The following POLR3D variants were observed in gnomAD, a reference collection of about 807,000 sequenced individuals.
The protein encoded by POLR3D is DNA-directed RNA polymerase III subunit RPC4.
POLR3D carries 42 observed loss-of-function variants against 44.5 expected under a neutral mutation model. That is an observed-to-expected ratio of 0.94 (90% CI 0.74 to 1.22). The LOEUF is 1.22. POLR3D is among the 50% of genes most tolerant of loss of function. The probability of loss-of-function intolerance (pLI) is 0.00; values close to 1 mark genes in which losing one functional copy is unlikely to be tolerated. For missense variants in POLR3D, 507 were observed against 505.2 expected (o/e 1.00, Z -0.03); for synonymous variants, 217 against 198.1 (o/e 1.10, Z -0.80).
At position 22,245,484 on chromosome 8, in the gene POLR3D, C is replaced by T. The variant is rs1416558112; in HGVS notation, c.35C>T (p.Thr12Met). 1 of 1,307,590 alleles carries T rather than the reference C, an allele frequency of 7.6e-7. No individual in the cohort carries two copies. Among genetic ancestry groups the T allele is most frequent in the Non-Finnish European group, 9.8e-7 (1 of 1,020,366 alleles). The allele number at this position is 1,307,590 out of a possible 1,614,324, so 81.0% of individuals were successfully genotyped here. ...GGAAACGCCGCCGGCGAGCCCAGCA[C>T]GCCGGGAGGGCCCCGACCTCTCCTG... Reference protein sequence around the residue: ...SEGNAAGEPSTPGGPRPLLTG... With the variant: ...SEGNAAGEPSMPGGPRPLLTG... Residue 12 changes from threonine to methionine, a missense_variant, in exon 2 of 9, where the codon ACG becomes ATG. Thr to Met is a moderately conservative substitution (Grantham distance 81, BLOSUM62 -1). Transcript: ENST00000306433.
chr8:22,250,629 C>T lies in POLR3D; in HGVS notation c.*111C>T. On this transcript the variant is annotated 3_prime_UTR_variant, in exon 9 of 9. Coordinates refer to ENST00000306433, the MANE Select transcript of POLR3D (RefSeq NM_001722.3). ...AGGGGCCCACTGAGCCCACTCACTCCAGCCTTTGGCAACCATTGTTCCAGG... is the reference window on the plus strand; with the variant it reads ...AGGGGCCCACTGAGCCCACTCACTCTAGCCTTTGGCAACCATTGTTCCAGG... 3 of 1,341,212 alleles carry T rather than the reference C, an allele frequency of 2.2e-6. No homozygotes were observed. Among genetic ancestry groups the T allele is most frequent in the Non-Finnish European group, 3.1e-6 (3 of 958,376 alleles). The allele number at this position is 1,341,212 out of a possible 1,614,324, so 83.1% of individuals were successfully genotyped here.
In POLR3D at chr8:22,249,029, C is replaced by T. The variant is rs2131949290; in HGVS notation, c.656-15C>T. The T allele has an allele frequency of 1.9e-6, 3 of 1,612,994 alleles. No homozygotes were observed. The highest frequency in any genetic ancestry group is 2.2e-5 in the South Asian group (2 of 91,020). The stretch of plus-strand genomic sequence containing the variant: ...GTGGTCACTTGATAGCATTCCATGT[C>T]TATCACCCGGGCAGTGAAAGAGGAG... On this transcript the variant is annotated splice_polypyrimidine_tract_variant and intron_variant, in intron 6 of 8. Coordinates refer to ENST00000306433, the MANE Select transcript of POLR3D (RefSeq NM_001722.3).
chr8:22,248,043 C>A, intron 4 of POLR3D, 35 bp downstream of exon 4: 1 of 1,609,572 alleles, frequency 6.2e-7, no homozygotes, highest in Non-Finnish European at 8.5e-7. Flanking sequence ...TCAGTTCAGA[C>A]TGCCCCAGAG....
rs1418189124 is a variant in POLR3D at position 22,254,461 on chromosome 8, T to C, written c.*3943T>C. 2 of 152,188 alleles carry C rather than the reference T, an allele frequency of 1.3e-5. No homozygotes were observed. Among genetic ancestry groups the C allele is most frequent in the Non-Finnish European group, 2.9e-5 (2 of 68,046 alleles). The allele number at this position is 152,188 out of a possible 1,614,324, so 9.4% of individuals were successfully genotyped here. On this transcript the variant is annotated 3_prime_UTR_variant, in exon 9 of 9. Transcript: ENST00000306433. ...GAGTTCAAGACCAGCCTGGGCAACA[T>C]GGTGAAACCTTGTCTCTGAAAAATA...
At position 22,248,198 on chromosome 8, in the gene POLR3D, C is replaced by G. The variant is rs773430316; in HGVS notation, c.406C>G (p.His136Asp). The G allele has an allele frequency of 1.2e-6, 2 of 1,614,134 alleles. No homozygotes were observed. The highest frequency in any genetic ancestry group is 1.7e-6 in the Non-Finnish European group (2 of 1,180,008). The change falls in exon 5 of 9, where the codon CAT becomes GAT. Residue 136 changes from histidine to aspartate, a missense_variant. His to Asp is a moderately conservative substitution (Grantham distance 81). Transcript: ENST00000306433. ...TVDVSDMGPS[H>D]IINIKKEKRE... is the part of the protein sequence containing the mutation. ...GGATGTGTCAGACATGGGACCTTCT[C>G]ATATCATCAACATCAAAAAAGAGAA...
chr8:22,248,275 C>G lies in POLR3D; in HGVS notation c.483C>G (p.Asp161Glu). 6.2e-7 allele frequency: 1 copy of G among 1,613,572 alleles called. No individual in the cohort carries two copies. Among genetic ancestry groups the G allele is most frequent in the Non-Finnish European group, 8.5e-7 (1 of 1,179,772 alleles). ...AGATCTTGCGTATGCTGGAGAAGGA[C>G]GATGTGGGTACCAGGAGGCTGGGGG... ...TKQILRMLEKDDFLDDPGLRN... is the reference protein window; with the variant it reads ...TKQILRMLEKEDFLDDPGLRN... The change falls in exon 5 of 9, where the codon GAC becomes GAG. Residue 161 changes from aspartate to glutamate, a missense_variant. Physicochemically the swap from Asp to Glu is conservative, Grantham distance 45. Coordinates refer to ENST00000306433, the MANE Select transcript of POLR3D (RefSeq NM_001722.3).
At chr8:22,246,793 AG>A (rs1313418699) in intron 2 of POLR3D, among the ~76,000 whole-genome samples, 2 of 152,240 alleles carry the variant, frequency 1.3e-5, no homozygotes, top group African/African-American at 4.8e-5. Flanking sequence ...TTGTGGTGAC[AG>A]TCCATAGTCA....
Position 22,250,661 on chromosome 8 carries a change from AG to A in POLR3D, c.*146del. 1.0e-6 allele frequency: 1 copy of A among 984,170 alleles called. No homozygotes were observed. The highest frequency in any genetic ancestry group is 1.5e-6 in the Non-Finnish European group (1 of 646,114). The allele number at this position is 984,170 out of a possible 1,614,324, so 61.0% of individuals were successfully genotyped here. On this transcript the variant is annotated 3_prime_UTR_variant, in exon 9 of 9. Coordinates refer to ENST00000306433, the MANE Select transcript of POLR3D (RefSeq NM_001722.3). ...TGGCAACCATTGTTCCAGGTCCCCC[AG>A]GGCTTCCTCCCACAGCAGCTGTGAA...
At position 22,249,220 on chromosome 8, in the gene POLR3D, C is replaced by T. The variant is rs752716531; in HGVS notation, c.832C>T (p.Gln278Ter). 1 of 1,614,014 alleles carries T rather than the reference C, an allele frequency of 6.2e-7. No individual in the cohort carries two copies. The highest frequency in any genetic ancestry group is 1.7e-5 in the Admixed American group (1 of 60,004). ...GCAGCTGCCAGACACCCTCCCTGGC[C>T]AGCCACCCACCCAGGACATCAAGCC... ...FLQLPDTLPG[Q>*]PPTQDIKPIK... Residue 278 changes from glutamine (Q) to a stop codon, truncating the protein, a stop_gained, in exon 7 of 9, where the codon CAG becomes TAG. Coordinates refer to ENST00000306433, the MANE Select transcript of POLR3D (RefSeq NM_001722.3). LOFTEE classifies it high-confidence loss of function.
In POLR3D at chr8:22,249,286, C is replaced by T; in HGVS notation, c.898C>T (p.Leu300Phe). 6.2e-7 allele frequency: 1 copy of T among 1,613,888 alleles called. No individual in the cohort carries two copies. The highest frequency in any genetic ancestry group is 8.5e-7 in the Non-Finnish European group (1 of 1,179,944). The change falls in exon 7 of 9, where the codon CTC (leucine) becomes TTC (phenylalanine). Residue 300 changes from leucine to phenylalanine, a missense_variant. By Grantham distance (22) the Leu-to-Phe change is conservative (BLOSUM62 0). Transcript: ENST00000306433. ...GCAGGGCGAGGACGGACAGGTGGTG[C>T]TCATCAAGCAGGAGAAAGACCGAGT... is the stretch of plus-strand genomic sequence containing the variant. ...EVQGEDGQVV[L>F]IKQEKDREAK... is the part of the protein sequence containing the mutation.
intron 7 of POLR3D, among the ~76,000 whole-genome samples, 180 bp downstream of exon 7, chr8:22,249,489 TG>T (rs905823269): frequency 4.8e-4 from 73 of 152,194 alleles, no homozygotes; most frequent in African/African-American, 1.7e-3. Flanking sequence ...GTATGTGTTG[TG>T]GGGGTGTGTG....
At position 22,248,474 on chromosome 8, in the gene POLR3D, T is replaced by C. The variant is rs754454929; in HGVS notation, c.487-7T>C. On this transcript the variant is annotated splice_region_variant and splice_polypyrimidine_tract_variant and intron_variant, in intron 5 of 8. Transcript: ENST00000306433. ...GCAGGCTGGATGACCCAGACTCTCTTTGGCAGTTCCTCGATGACCCCGGCC... is the reference window on the plus strand; with the variant it reads ...GCAGGCTGGATGACCCAGACTCTCTCTGGCAGTTCCTCGATGACCCCGGCC... 27 of 1,613,470 alleles carry C rather than the reference T, an allele frequency of 1.7e-5. No homozygotes were observed. The highest frequency in any genetic ancestry group is 3.3e-4 in the Middle Eastern group (2 of 6,074).
At position 22,250,512 on chromosome 8, in the gene POLR3D, C is replaced by G. The variant is rs1830095935; in HGVS notation, c.1191C>G (p.His397Gln). Residue 397 changes from histidine to glutamine, a missense_variant, in exon 9 of 9, where the codon CAC becomes CAG. His to Gln is a conservative substitution (Grantham distance 24). Coordinates refer to ENST00000306433, the MANE Select transcript of POLR3D (RefSeq NM_001722.3). ...PDFESLLDHK[H>Q]R ...TTGAATCCCTCTTGGATCACAAACA[C>G]CGGTAAAATGAGCAGGTGGAGGAGG... 2 of 1,614,174 alleles carry G rather than the reference C, an allele frequency of 1.2e-6. No individual in the cohort carries two copies. Among genetic ancestry groups the G allele is most frequent in the Non-Finnish European group, 1.7e-6 (2 of 1,180,024 alleles).
chr8:22,249,995 C>T (rs1250145061), intron 7 of POLR3D, 80 bp from the exon 8 acceptor site: 3 of 1,524,990 alleles, frequency 2.0e-6, no homozygotes, highest in African/African-American at 1.4e-5. Flanking sequence ...GTGCCTTTCT[C>T]TTGGGGAGTA....
rs1377516633 is a variant in POLR3D at position 22,251,676 on chromosome 8, T to TA, written c.*1159dup. ...ACTGCCAGAGCCACCTACTCAGTGT[T>TA]ACTTTTTTGGGTCTGTGATCCTGTT... On this transcript the variant is annotated 3_prime_UTR_variant, in exon 9 of 9. Coordinates refer to ENST00000306433, the MANE Select transcript of POLR3D (RefSeq NM_001722.3). 2 of 152,954 alleles carry TA rather than the reference T, an allele frequency of 1.3e-5. No homozygotes were observed. The highest frequency in any genetic ancestry group is 2.4e-5 in the African/African-American group (1 of 41,472). The allele number at this position is 152,954 out of a possible 1,614,324, so 9.5% of individuals were successfully genotyped here. A position where few individuals can be genotyped will look rare whatever the true frequency, so the allele number is the denominator to read the frequency against.
At position 22,254,534 on chromosome 8, in the gene POLR3D, G is replaced by A. The variant is rs1830132447; in HGVS notation, c.*4016G>A. ...ACACATCCAGTTCTTCCATGTTAAT[G>A]AGTATGTTGTGTTTCACATACTTCT... is the stretch of plus-strand genomic sequence containing the variant. On this transcript the variant is annotated 3_prime_UTR_variant, in exon 9 of 9. Coordinates refer to ENST00000306433, the MANE Select transcript of POLR3D (RefSeq NM_001722.3). The A allele has an allele frequency of 6.6e-6, 1 of 152,160 alleles. No individual in the cohort carries two copies. The highest frequency in any genetic ancestry group is 1.5e-5 in the Non-Finnish European group (1 of 68,026). 9.4% of individuals were successfully genotyped at this position (152,160 alleles called of 1,614,324 possible).
intron 5 of POLR3D, 84 bp downstream of exon 5, chr8:22,248,362 C>A: frequency 6.3e-7 from 1 of 1,577,064 alleles, no homozygotes. Flanking sequence ...GGTAGAAGAG[C>A]TTACTGATGT....
chr8:22,250,494 C>G lies in POLR3D; in HGVS notation c.1173C>G (p.Ser391=). 6.2e-7 allele frequency: 1 copy of G among 1,614,126 alleles called. No individual in the cohort carries two copies. The highest frequency in any genetic ancestry group is 8.5e-7 in the Non-Finnish European group (1 of 1,180,008). The stretch of plus-strand genomic sequence containing the variant: ...TTGTATGTTCCCCTGATTTTGAATC[C>G]CTCTTGGATCACAAACACCGGTAAA... ...HKLVCSPDFE[S]LLDHKHR The change falls in exon 9 of 9, where the codon TCC becomes TCG. Residue 391 remains serine, a synonymous_variant. Transcript: ENST00000306433.
chr8:22,247,182 G>C (rs373646193), intron 2 of POLR3D, 39 bp from the exon 3 acceptor site: 7 of 1,549,252 alleles, frequency 4.5e-6, no homozygotes, highest in Non-Finnish European at 6.2e-6. Context: ...TTTGGGGTCA[G>C]AACCTAACAC....
Sources: gnomAD v4.1 joint callset for allele counts (sites outside exome capture counted in the v4.1 genomes callset) on GRCh38, gnomAD v4.1.1 for gene constraint, MANE v1.5 for transcripts, NCBI Gene and HGNC (gene_info 2026-07-23, HGNC 2026-07-21) for gene names.